Variants in THUMPD3 observed in about 807,000 individuals in gnomAD.
THUMPD3 encodes the protein THUMP domain 3 tRNA guanosine methyltransferase.
THUMPD3 carries 44 observed loss-of-function variants against 54.5 expected under a neutral mutation model. That is an observed-to-expected ratio of 0.81 (90% confidence interval 0.63 to 1.04). THUMPD3 has a LOEUF of 1.04. THUMPD3 is among the 50% of genes least tolerant of loss of function. The pLI, the probability that THUMPD3 is intolerant of heterozygous loss-of-function variation, is 0.00. For missense variants in THUMPD3, 604 were observed against 601.3 expected, an observed-to-expected ratio of 1.00 and a Z score of -0.05; for synonymous variants, 196 against 201.4, an observed-to-expected ratio of 0.97 and a Z score of 0.23.
In THUMPD3 at chr3:9,374,559, C is replaced by T. The variant is rs756070137; in HGVS notation, c.851C>T (p.Ala284Val). ...GATAATGAAGTCATTGTGGGCATTG[C>T]ATTGACTGAAGAGAGTCTCCACCGA... The part of the protein sequence containing the change: ...IHDNEVIVGI[A>V]LTEESLHRRN... Residue 284 changes from alanine (A) to valine (V), a missense_variant, in exon 5 of 10, where the codon GCA becomes GTA. By Grantham distance (64) the Ala-to-Val change is moderately conservative. Coordinates refer to ENST00000452837, the MANE Select transcript of THUMPD3 (RefSeq NM_001114092.2). The T allele has an allele frequency of 1.2e-6, 2 of 1,613,884 alleles. No individual in the cohort carries two copies. Among genetic ancestry groups the T allele is most frequent in the East Asian group, 4.5e-5 (2 of 44,878 alleles).
At chr3:9,375,717 C>T (rs2125323245) in intron 5 of THUMPD3, among the ~76,000 whole-genome samples, 2 of 152,284 alleles carry the variant, frequency 1.3e-5, no homozygotes, top group African/African-American at 4.8e-5. Flanking sequence ...ATGGAGTGTA[C>T]CTACACAAAT....
At chr3:9,365,362 C>G (rs2031460471) in intron 2 of THUMPD3, 42 bp downstream of exon 2, 3 of 1,599,284 alleles carry the variant, frequency 1.9e-6, no homozygotes, top group Admixed American at 1.7e-5. Context: ...CTAAGTTGAT[C>G]ATTTTATGGT....
Position 9,384,802 on chromosome 3 carries a change from GCT to G in THUMPD3, c.*117_*118del. 8.1e-7 allele frequency: 1 copy of G among 1,239,842 alleles called. No homozygotes were observed. Among genetic ancestry groups the G allele is most frequent in the Non-Finnish European group, 1.1e-6 (1 of 889,682 alleles). 76.8% of individuals were successfully genotyped at this position (1,239,842 alleles called of 1,614,324 possible). ...TCTGCACTCTTTAAACCTGTTTAAG[GCT>G]CTTCATCCTGGTTAGCAAAAGGTGT... On this transcript the variant is annotated 3_prime_UTR_variant, in exon 10 of 10. Transcript: ENST00000452837.
At chr3:9,375,319 C>T (rs920733054) in intron 5 of THUMPD3, among the ~76,000 whole-genome samples, 1 of 152,142 alleles carries the variant, frequency 6.6e-6, no homozygotes, top group African/African-American at 2.4e-5. Flanking sequence ...ATGTGTATAA[C>T]GTGTAAATGA....
chr3:9,363,806 C>CTTTTTTTT (rs56359034), intron 1 of THUMPD3: 7 of 88,924 alleles, frequency 7.9e-5, no homozygotes, highest in Admixed American at 2.4e-4. Flanking sequence ...TTAATTTTTT[C>CTTTTTTTT]TTTTTTTTTT....
At chr3:9,379,270 T>C (rs747523227) in intron 6 of THUMPD3, among the ~76,000 whole-genome samples, 1 of 152,034 alleles carries the variant, frequency 6.6e-6, no homozygotes, top group Non-Finnish European at 1.5e-5. Context: ...CCTCAAACTC[T>C]AGGTCCCCTC....
chr3:9,370,943 G>T, intron 3 of THUMPD3, 117 bp from the exon 4 acceptor site: 1 of 849,332 alleles, frequency 1.2e-6, no homozygotes. Context: ...TGGTGTCTTT[G>T]GCGGTCCTGG....
intron 6 of THUMPD3, among the ~76,000 whole-genome samples, chr3:9,379,167 C>T (rs1445432878): frequency 1.3e-5 from 2 of 148,766 alleles, no homozygotes; most frequent in Non-Finnish European, 3.0e-5. Flanking sequence ...AAGTGTTATG[C>T]TATAAAACCC....
intron 9 of THUMPD3, 77 bp from the exon 10 acceptor site, chr3:9,384,447 A>G: frequency 3.7e-6 from 6 of 1,604,252 alleles, no homozygotes; most frequent in Admixed American, 1.7e-5. Flanking sequence ...GAGGTTTCCT[A>G]TCTTGGCAGT....
chr3:9,377,916 A>G, intron 6 of THUMPD3, 28 bp downstream of exon 6: 1 of 1,564,208 alleles, frequency 6.4e-7, no homozygotes, highest in Non-Finnish European at 8.8e-7. Context: ...GCTTTTAGAT[A>G]AGAGTGATAC....
At position 9,377,894 on chromosome 3, in the gene THUMPD3, C is replaced by A; in HGVS notation, c.1008+6C>A. ...CTGGGGCAATACCAATAGAGGTAAT[C>A]ATATTTCTTTAGCTTTTAGATAAGA... On this transcript the variant is annotated splice_donor_region_variant and intron_variant, in intron 6 of 9. Transcript: ENST00000452837. The A allele has an allele frequency of 6.2e-7, 1 of 1,606,100 alleles. No homozygotes were observed. The highest frequency in any genetic ancestry group is 8.5e-7 in the Non-Finnish European group (1 of 1,172,964).
At chr3:9,379,854 G>A (rs2032743026) in intron 6 of THUMPD3, among the ~76,000 whole-genome samples, 1 of 151,968 alleles carries the variant, frequency 6.6e-6, no homozygotes, top group Non-Finnish European at 1.5e-5. Flanking sequence ...ATCACACCCA[G>A]CTGATTTTTG....
Position 9,386,227 on chromosome 3 carries a change from C to T in THUMPD3, c.*1539C>T, listed in dbSNP as rs1211554120. 1.3e-5 allele frequency: 2 copies of T among 152,078 alleles called. No homozygotes were observed. Among genetic ancestry groups the T allele is most frequent in the African/African-American group, 2.4e-5 (1 of 41,376 alleles). 9.4% of individuals were successfully genotyped at this position (152,078 alleles called of 1,614,324 possible). A position where few individuals can be genotyped will look rare whatever the true frequency, so the allele number is the denominator to read the frequency against. Reference sequence around the variant, plus strand: ...TTATATCCTAGACTGGCCTTTTTACCACTATCAGAATTCACAGCTGCTTTG... The same window carrying T: ...TTATATCCTAGACTGGCCTTTTTACTACTATCAGAATTCACAGCTGCTTTG... On this transcript the variant is annotated 3_prime_UTR_variant, in exon 10 of 10. Transcript: ENST00000452837.
rs11547584 is a variant in THUMPD3, at chr3:9,365,020, G to A, written c.-49G>A. On this transcript the variant is annotated 5_prime_UTR_variant, in exon 2 of 10. Coordinates refer to ENST00000452837, the MANE Select transcript of THUMPD3 (RefSeq NM_001114092.2). ...TTATTTCTTTTTCTTTTAAAGGACA[G>A]TACTGCTTTTAAAGAGACAGTGTTA... 259,108 of 1,584,240 alleles carry A rather than the reference G, an allele frequency of 0.16. 23,828 individuals are homozygous for A. The highest frequency in any genetic ancestry group is 0.19 in the Non-Finnish European group (223,917 of 1,164,612).
At chr3:9,376,786 A>C (rs981285917) in intron 5 of THUMPD3, among the ~76,000 whole-genome samples, 9 of 152,216 alleles carry the variant, frequency 5.9e-5, no homozygotes, top group African/African-American at 2.2e-4. Flanking sequence ...CAGTTAAGCC[A>C]CTAACAGTAA....
chr3:9,381,987 G>T (rs1381562979), intron 7 of THUMPD3, among the ~76,000 whole-genome samples: 2 of 151,176 alleles, frequency 1.3e-5, no homozygotes, highest in Non-Finnish European at 2.9e-5. Flanking sequence ...TTTTCACCAT[G>T]TTAGCCAGGA....
chr3:9,384,754 A>T lies in THUMPD3; in HGVS notation c.*66A>T. 6.3e-7 allele frequency: 1 copy of T among 1,584,816 alleles called. No homozygotes were observed. The highest frequency in any genetic ancestry group is 1.1e-5 in the South Asian group (1 of 88,876). On this transcript the variant is annotated 3_prime_UTR_variant, in exon 10 of 10. Coordinates refer to ENST00000452837, the MANE Select transcript of THUMPD3 (RefSeq NM_001114092.2). ...TTAGCATAAAAGAACTTGGAGAGGA[A>T]AAAAGTATTAACAAAACTGCAGTCT... is the stretch of plus-strand genomic sequence containing the variant.
chr3:9,377,479 TTCTCGAG>T (rs2032551029), intron 5 of THUMPD3, among the ~76,000 whole-genome samples: 1 of 152,148 alleles, frequency 6.6e-6, no homozygotes, highest in South Asian at 2.1e-4. Flanking sequence ...GTTCAAGCAA[TTCTCGAG>T]TCTCAGCCTT....
rs1026085584 is a variant in THUMPD3 at position 9,385,244 on chromosome 3, C to G, written c.*556C>G. The G allele has an allele frequency of 1.3e-5, 2 of 152,786 alleles. No homozygotes were observed. The highest frequency in any genetic ancestry group is 4.8e-5 in the African/African-American group (2 of 41,446). 9.5% of individuals were successfully genotyped at this position (152,786 alleles called of 1,614,324 possible). On this transcript the variant is annotated 3_prime_UTR_variant, in exon 10 of 10. Transcript: ENST00000452837. The stretch of plus-strand genomic sequence containing the variant: ...TACTTTAAAGATGCCTAGTGAAAAG[C>G]CTACTAAAGTGCTGTGAGATTGGGG...
Sources: allele counts gnomAD v4.1 joint callset (sites outside exome capture counted in the v4.1 genomes callset), GRCh38; gene constraint gnomAD v4.1.1; transcripts MANE v1.5; gene names NCBI Gene and HGNC (gene_info 2026-07-23, HGNC 2026-07-21).